The following PDE1C variants were observed in gnomAD, a reference collection of about 807,000 sequenced individuals.
PDE1C encodes the protein phosphodiesterase 1C, also known as dual specificity calcium/calmodulin-dependent 3',5'-cyclic nucleotide phosphodiesterase 1C.
PDE1C carries 62 observed loss-of-function variants against 93.1 expected under a neutral mutation model. The observed-to-expected ratio is 0.67, with a 90% CI of 0.54 to 0.82. The LOEUF (loss-of-function observed/expected upper bound fraction) is 0.82, where lower values mean the gene tolerates loss of function less well. PDE1C is among the 40% of genes least tolerant of loss of function. The pLI is 0.00. For synonymous variants in PDE1C, 325 were observed against 310.1 expected (o/e 1.05, Z -0.50); for missense variants, 742 against 884.6 (o/e 0.84, Z 2.04).
intron 2 of PDE1C, among the ~76,000 whole-genome samples, chr7:32,191,953 T>A (rs1047176462): frequency 6.6e-6 from 1 of 152,344 alleles, no homozygotes; most frequent in Non-Finnish European, 1.5e-5. Flanking sequence ...TCTTCATGCA[T>A]TTAATTTGCA....
At chr7:31,683,285 T>C in the PDE1C span, among the ~76,000 whole-genome samples, 2 of 152,220 alleles carry the variant, frequency 1.3e-5, no homozygotes, top group African/African-American at 4.8e-5. Flanking sequence ...TTCTTACAAC[T>C]ACATGTGAAC....
At chr7:32,409,034 A>C (rs1258273774) in intron 1 of PDE1C, among the ~76,000 whole-genome samples, 1 of 152,150 alleles carries the variant, frequency 6.6e-6, no homozygotes, top group African/African-American at 2.4e-5. Context: ...TTCAATGAGC[A>C]GGTAATTTCA....
chr7:32,094,200 C>G lies in PDE1C; in HGVS notation c.308+75585G>C, dbSNP rs111569448. Among the ~76,000 whole-genome samples, 167 of 152,240 alleles carry G rather than the reference C, an allele frequency of 1.1e-3. 1 individual carries two copies. Among genetic ancestry groups the G allele is most frequent in the African/African-American group, 3.8e-3 (158 of 41,542 alleles). The stretch of plus-strand genomic sequence containing the variant: ...CCCACTGTAGCCAATTCCAAGCTAC[C>G]AACATGATGGCACTGAATACAGAGT... On this transcript the variant is annotated intron_variant, in intron 3 of 18. Coordinates refer to the PDE1C transcript ENST00000396193.
At chr7:31,631,373 GATT>G in the PDE1C span, among the ~76,000 whole-genome samples, 2 of 151,896 alleles carry the variant, frequency 1.3e-5, no homozygotes, top group African/African-American at 4.9e-5. Context: ...TGTGTATTAG[GATT>G]ATTATTTTAC....
chr7:31,660,686 C>A, the PDE1C span, among the ~76,000 whole-genome samples: 6 of 152,000 alleles, frequency 3.9e-5, no homozygotes, highest in Non-Finnish European at 8.8e-5. Flanking sequence ...CTTCTGATAT[C>A]TTCATCTTTT....
intron 3 of PDE1C, among the ~76,000 whole-genome samples, chr7:32,121,889 A>C (rs943301738): frequency 1.3e-5 from 2 of 152,204 alleles, no homozygotes; most frequent in African/African-American, 4.8e-5. Context: ...CTTAAATATA[A>C]ATGGGCTAAA....
At chr7:31,927,513 C>T (rs1401091604) in intron 2 of PDE1C, among the ~76,000 whole-genome samples, 1 of 152,200 alleles carries the variant, frequency 6.6e-6, no homozygotes, top group Non-Finnish European at 1.5e-5. Flanking sequence ...AGATACCTCC[C>T]AGCAGGGGTC....
At chr7:31,852,072 CA>C (rs1329730618) in intron 7 of PDE1C, among the ~76,000 whole-genome samples, 1 of 152,118 alleles carries the variant, frequency 6.6e-6, no homozygotes, top group Admixed American at 6.6e-5. Context: ...TAAGTTAACG[CA>C]AAATGAGTTA....
intron 2 of PDE1C, among the ~76,000 whole-genome samples, chr7:32,197,176 G>A (rs1391207815): frequency 1.3e-5 from 2 of 152,066 alleles, no homozygotes; most frequent in East Asian, 3.9e-4. Context: ...AGATACACGA[G>A]TGGGCAATAA....
chr7:32,376,215 C>A (rs1012319076), intron 1 of PDE1C, among the ~76,000 whole-genome samples: 3 of 152,002 alleles, frequency 2.0e-5, no homozygotes, highest in Non-Finnish European at 4.4e-5. Context: ...AACAGTGGCA[C>A]GTAGTTCTGC....
At chr7:31,765,308 A>C in intron 17 of PDE1C, among the ~76,000 whole-genome samples, 1 of 152,136 alleles carries the variant, frequency 6.6e-6, no homozygotes, top group East Asian at 1.9e-4. Flanking sequence ...CAAGGTGATG[A>C]TCATCTTTAA....
chr7:31,671,114 G>A, the PDE1C span, among the ~76,000 whole-genome samples: 1 of 152,124 alleles, frequency 6.6e-6, no homozygotes, highest in South Asian at 2.1e-4. Flanking sequence ...AATTCCTCCT[G>A]GACAGTGGAC....
chr7:31,643,965 C>T, the PDE1C span: 1 of 1,587,648 alleles, frequency 6.3e-7, no homozygotes, highest in South Asian at 1.1e-5. Context: ...TAAGTGTTCA[C>T]CCTGGCAAAG....
At chr7:31,943,021 G>A (rs551300005) in intron 2 of PDE1C, among the ~76,000 whole-genome samples, 10 of 152,228 alleles carry the variant, frequency 6.6e-5, no homozygotes, top group Admixed American at 5.9e-4. Context: ...CTGCTGAGGT[G>A]AGCCCAGCCC....
At chr7:32,273,275 C>A (rs1811078836) in intron 1 of PDE1C, among the ~76,000 whole-genome samples, 1 of 152,130 alleles carries the variant, frequency 6.6e-6, no homozygotes, top group South Asian at 2.1e-4. Flanking sequence ...GTCCCCTGAA[C>A]CAGGGAAATA....
intron 1 of PDE1C, among the ~76,000 whole-genome samples, chr7:32,382,990 T>TAC (rs1370093401): frequency 2.6e-5 from 4 of 152,070 alleles, no homozygotes; most frequent in Middle Eastern, 3.4e-3. Context: ...TTCAAATACA[T>TAC]ACACACACAC....
At chr7:31,682,393 A>G in the PDE1C span, among the ~76,000 whole-genome samples, 1 of 152,236 alleles carries the variant, frequency 6.6e-6, no homozygotes, top group Non-Finnish European at 1.5e-5. Flanking sequence ...ATCATTAGCC[A>G]TCAAAAAATG....
intron 3 of PDE1C, among the ~76,000 whole-genome samples, chr7:32,084,220 G>C (rs1269993789): frequency 1.3e-5 from 2 of 151,962 alleles, no homozygotes; most frequent in Non-Finnish European, 2.9e-5. Context: ...TGATAAAACA[G>C]ACTTTAAACC....
intron 1 of PDE1C, among the ~76,000 whole-genome samples, chr7:32,237,343 A>C (rs934931741): frequency 1.3e-5 from 2 of 151,936 alleles, no homozygotes; most frequent in Admixed American, 6.6e-5. Flanking sequence ...CATCTCGGCT[A>C]TTCATGTAAT....
Sources: allele counts gnomAD v4.1 joint callset (sites outside exome capture counted in the v4.1 genomes callset), GRCh38; gene constraint gnomAD v4.1.1; transcripts MANE v1.5; gene names NCBI Gene and HGNC (gene_info 2026-07-23, HGNC 2026-07-21).